SORCS1: variants seen among roughly 807,000 people sequenced by gnomAD.
SORCS1 encodes the protein VPS10 domain-containing receptor SorCS1.
In SORCS1, 60 loss-of-function variants were observed where a neutral mutation model predicts 146.1. The observed-to-expected ratio is 0.41, with a 90% confidence interval of 0.33 to 0.51. The LOEUF (loss-of-function observed/expected upper bound fraction) is 0.51. SORCS1 is among the 20% of genes least tolerant of loss of function. The pLI is 0.21. For missense variants in SORCS1, 1,352 were observed against 1,487.6 expected (o/e 0.91, Z 1.50); for synonymous variants, 637 against 584.0 (o/e 1.09, Z -1.31).
At chr10:106,798,604 A>G (rs541490760) in intron 3 of SORCS1, among the ~76,000 whole-genome samples, 1 of 152,316 alleles carries the variant, frequency 6.6e-6, no homozygotes, top group Admixed American at 6.5e-5. Context: ...ATGTCCCTAC[A>G]AAGGATGTGA....
intron 16 of SORCS1, among the ~76,000 whole-genome samples, chr10:106,670,091 T>C (rs1589621912): frequency 6.6e-6 from 1 of 152,250 alleles, no homozygotes; most frequent in East Asian, 1.9e-4. Flanking sequence ...TGTACATATT[T>C]AGCGATTGTG....
chr10:106,865,703 G>A (rs909712269), intron 2 of SORCS1, among the ~76,000 whole-genome samples: 3 of 151,252 alleles, frequency 2.0e-5, no homozygotes, highest in African/African-American at 4.9e-5. Flanking sequence ...CAGCCTGGGC[G>A]AGAGAGCAAG....
At chr10:106,678,108 T>C (rs1852170973) in intron 12 of SORCS1, among the ~76,000 whole-genome samples, 1 of 152,206 alleles carries the variant, frequency 6.6e-6, no homozygotes, top group Non-Finnish European at 1.5e-5. Flanking sequence ...CATGCTGTTT[T>C]CTCGTCAGAT....
chr10:106,832,798 A>C (rs569025624), intron 2 of SORCS1, among the ~76,000 whole-genome samples: 3 of 152,276 alleles, frequency 2.0e-5, no homozygotes, highest in East Asian at 1.9e-4. Flanking sequence ...AAAATGGTTC[A>C]ATTTTCCTAG....
chr10:106,989,849 G>A (rs1956693964), intron 1 of SORCS1, among the ~76,000 whole-genome samples: 2 of 151,506 alleles, frequency 1.3e-5, no homozygotes, highest in Non-Finnish European at 2.9e-5. Context: ...ACCACGCCTG[G>A]CTAATTTTTT....
At chr10:106,608,975 C>T (rs1269651958) in intron 22 of SORCS1, among the ~76,000 whole-genome samples, 2 of 152,174 alleles carry the variant, frequency 1.3e-5, no homozygotes, top group Admixed American at 6.5e-5. Flanking sequence ...ACTTGGAACC[C>T]AGCTGGTGAA....
At chr10:106,754,960 G>GT (rs1367964074) in intron 5 of SORCS1, among the ~76,000 whole-genome samples, 3 of 152,156 alleles carry the variant, frequency 2.0e-5, no homozygotes, top group African/African-American at 7.2e-5. Context: ...TTTTAATTAA[G>GT]TGAAACAGCC....
intron 10 of SORCS1, among the ~76,000 whole-genome samples, chr10:106,682,068 C>T (rs1028020355): frequency 3.9e-5 from 6 of 152,160 alleles, no homozygotes; most frequent in African/African-American, 1.4e-4. Flanking sequence ...GTGGAGGTTG[C>T]AGTTAGCCAA....
intron 6 of SORCS1, among the ~76,000 whole-genome samples, chr10:106,719,470 T>G (rs1386156400): frequency 6.6e-6 from 1 of 151,496 alleles, no homozygotes; most frequent in Non-Finnish European, 1.5e-5. Flanking sequence ...TGGAATGCAG[T>G]GGCACCATCT....
At chr10:106,917,698 C>T in intron 2 of SORCS1, among the ~76,000 whole-genome samples, 1 of 152,146 alleles carries the variant, frequency 6.6e-6, no homozygotes, top group African/African-American at 2.4e-5. Context: ...CCCCTGACAC[C>T]CTGCTGAGAA....
intron 3 of SORCS1, among the ~76,000 whole-genome samples, chr10:106,827,763 G>C (rs965250463): frequency 5.9e-5 from 9 of 152,204 alleles, no homozygotes; most frequent in Non-Finnish European, 8.8e-5. Flanking sequence ...GAATGTTTGG[G>C]TGTAGTTCTA....
chr10:107,131,935 C>T (rs557787324), intron 1 of SORCS1, among the ~76,000 whole-genome samples: 1 of 152,102 alleles, frequency 6.6e-6, no homozygotes, highest in South Asian at 2.1e-4. Context: ...CCTTAGCCTC[C>T]GTCCAACAAT....
intron 2 of SORCS1, among the ~76,000 whole-genome samples, chr10:106,929,781 AC>A (rs1953299790): frequency 6.6e-6 from 1 of 152,080 alleles, no homozygotes; most frequent in African/African-American, 2.4e-5. Context: ...GTGCACACAC[AC>A]ACACACACAC....
chr10:106,977,530 T>G (rs549054771), intron 1 of SORCS1, among the ~76,000 whole-genome samples: 3 of 152,238 alleles, frequency 2.0e-5, no homozygotes, highest in African/African-American at 7.2e-5. Context: ...AGTATCATGC[T>G]TCTATTATGA....
intron 1 of SORCS1, among the ~76,000 whole-genome samples, chr10:107,094,429 C>A (rs1246885656): frequency 6.6e-6 from 1 of 152,086 alleles, no homozygotes; most frequent in Non-Finnish European, 1.5e-5. Context: ...TTCTGTTTCA[C>A]AATATTTTTC....
At chr10:107,105,790 C>G in intron 1 of SORCS1, among the ~76,000 whole-genome samples, 1 of 152,186 alleles carries the variant, frequency 6.6e-6, no homozygotes, top group East Asian at 1.9e-4. Context: ...TGGCAACACC[C>G]TCCCAGACAC....
intron 2 of SORCS1, among the ~76,000 whole-genome samples, chr10:106,947,033 A>G (rs1286354343): frequency 6.6e-6 from 1 of 152,210 alleles, no homozygotes; most frequent in Admixed American, 6.5e-5. Context: ...CCACAGTCCA[A>G]TACACATATG....
At chr10:106,643,327 A>G (rs1310665175) in intron 18 of SORCS1, among the ~76,000 whole-genome samples, 2 of 152,250 alleles carry the variant, frequency 1.3e-5, no homozygotes, top group East Asian at 3.8e-4. Flanking sequence ...TCATTGTGTC[A>G]AGTGTCAATT....
intron 2 of SORCS1, among the ~76,000 whole-genome samples, chr10:106,954,760 T>C (rs954503918): frequency 6.6e-5 from 10 of 152,132 alleles, no homozygotes; most frequent in Admixed American, 6.6e-4. Context: ...TCTTTCTACC[T>C]ACGGCCTGCA....
Sources: allele counts gnomAD v4.1 joint callset (sites outside exome capture counted in the v4.1 genomes callset), GRCh38; gene constraint gnomAD v4.1.1; transcripts MANE v1.5; gene names NCBI Gene and HGNC (gene_info 2026-07-23, HGNC 2026-07-21).